PVT1: variants seen among roughly 807,000 people sequenced by gnomAD.
PVT1 encodes the protein Pvt1 oncogene.
chr8:127,943,752 G>A (rs537485870), intron 3 of PVT1, among the ~76,000 whole-genome samples: 27 of 152,292 alleles, frequency 1.8e-4, no homozygotes, highest in Middle Eastern at 3.4e-3. Flanking sequence ...CCTAATTAGG[G>A]CTGACGTGGG....
intron 2 of PVT1, among the ~76,000 whole-genome samples, chr8:127,832,686 A>G (rs188104114): frequency 2.2e-3 from 340 of 152,200 alleles, no homozygotes; most frequent in East Asian, 6.2e-3. Flanking sequence ...GTGAAACCCC[A>G]TCTCTACTAA....
intron 3 of PVT1, among the ~76,000 whole-genome samples, chr8:127,965,059 A>G (rs1398616799): frequency 1.3e-5 from 2 of 152,222 alleles, no homozygotes; most frequent in Admixed American, 6.5e-5. Context: ...GGGTGAAGAC[A>G]GCATTCAACC....
At chr8:127,973,268 G>C (rs557506608) in intron 3 of PVT1, among the ~76,000 whole-genome samples, 145 of 152,214 alleles carry the variant, frequency 9.5e-4, no homozygotes, top group African/African-American at 3.3e-3. Context: ...CTGAAGACCT[G>C]GGAGACGAAT....
chr8:128,003,634 G>T (rs1408141595), intron 4 of PVT1, among the ~76,000 whole-genome samples: 1 of 152,220 alleles, frequency 6.6e-6, no homozygotes, highest in East Asian at 1.9e-4. Flanking sequence ...CGCCTGGCCT[G>T]TTGATTTCTT....
At chr8:128,079,488 T>C (rs371170845) in intron 5 of PVT1, among the ~76,000 whole-genome samples, 7 of 152,340 alleles carry the variant, frequency 4.6e-5, no homozygotes, top group Non-Finnish European at 1.0e-4. Flanking sequence ...ATAGTTTACA[T>C]TGGGCTTCAC....
At chr8:127,832,583 G>T (rs1814862146) in intron 2 of PVT1, among the ~76,000 whole-genome samples, 1 of 152,266 alleles carries the variant, frequency 6.6e-6, no homozygotes, top group South Asian at 2.1e-4. Context: ...ACATGGCCGG[G>T]TGTGGTGGCT....
At chr8:127,860,692 G>A (rs1815214525) in intron 2 of PVT1, among the ~76,000 whole-genome samples, 1 of 151,214 alleles carries the variant, frequency 6.6e-6, no homozygotes, top group Admixed American at 6.6e-5. Flanking sequence ...TTGAACCCAG[G>A]AGGTGGAGGT....
rs556843522 is a variant in PVT1 at position 127,909,571 on chromosome 8, C to T, written n.782+18573C>T. Among the ~76,000 whole-genome samples the T allele has an allele frequency of 5.9e-5, 9 of 152,258 alleles. No individual in the cohort carries two copies. In the South Asian group the frequency reaches 6.2e-4, roughly 11 times the overall value. On this transcript the variant is annotated intron_variant and non_coding_transcript_variant, in intron 3 of 10. Coordinates refer to ENST00000651587, the Ensembl canonical transcript of PVT1. ...GCACACCGAATGTTTGGCATATGTGCGGAGCTCTTTGGGGGTGACTCATGG... is the reference window on the plus strand; with the variant it reads ...GCACACCGAATGTTTGGCATATGTGTGGAGCTCTTTGGGGGTGACTCATGG...
chr8:127,889,419 C>G (rs536341693), intron 2 of PVT1, among the ~76,000 whole-genome samples: 1 of 151,412 alleles, frequency 6.6e-6, no homozygotes, highest in Admixed American at 6.6e-5. Flanking sequence ...CGTGAGCCAC[C>G]GCGCCCAGCC....
At chr8:127,855,853 G>C (rs920972782) in intron 2 of PVT1, among the ~76,000 whole-genome samples, 1 of 152,222 alleles carries the variant, frequency 6.6e-6, no homozygotes, top group African/African-American at 2.4e-5. Flanking sequence ...AGGTGTGGCC[G>C]GTAGGGGTGG....
intron 4 of PVT1, among the ~76,000 whole-genome samples, chr8:128,049,457 G>A (rs1202717185): frequency 6.6e-6 from 1 of 152,160 alleles, no homozygotes; most frequent in Non-Finnish European, 1.5e-5. Context: ...GGGATTCTGT[G>A]GCTCTGTAGG....
intron 2 of PVT1, among the ~76,000 whole-genome samples, chr8:127,878,024 C>T (rs538876159): frequency 2.5e-4 from 38 of 152,270 alleles, no homozygotes; most frequent in African/African-American, 8.7e-4. Flanking sequence ...TCTTCAAGTG[C>T]AGGTCCTGCT....
intron 2 of PVT1, among the ~76,000 whole-genome samples, chr8:127,801,888 CATTATTTA>C (rs1324660307): frequency 1.6e-5 from 2 of 125,602 alleles, no homozygotes; most frequent in Non-Finnish European, 3.4e-5. Context: ...TAAGATATCT[CATTATTTA>C]TTTATTTATT....
At chr8:127,802,115 A>C (rs1379198360) in intron 2 of PVT1, among the ~76,000 whole-genome samples, 1 of 151,924 alleles carries the variant, frequency 6.6e-6, no homozygotes, top group Non-Finnish European at 1.5e-5. Context: ...GGGTTTCACT[A>C]TGTTGGCCAG....
intron 3 of PVT1, among the ~76,000 whole-genome samples, chr8:127,893,992 C>T (rs949429795): frequency 1.3e-5 from 2 of 152,226 alleles, no homozygotes; most frequent in African/African-American, 2.4e-5. Flanking sequence ...CATTTCTACT[C>T]GTGGTGCAGG....
At chr8:127,836,091 C>A (rs1254623475) in intron 2 of PVT1, among the ~76,000 whole-genome samples, 2 of 152,174 alleles carry the variant, frequency 1.3e-5, no homozygotes, top group Admixed American at 6.5e-5. Flanking sequence ...CTAATAGACT[C>A]ATTCCCTAAC....
intron 2 of PVT1, among the ~76,000 whole-genome samples, chr8:127,836,265 T>G (rs1031452068): frequency 1.3e-5 from 2 of 152,174 alleles, no homozygotes; most frequent in Non-Finnish European, 2.9e-5. Flanking sequence ...TGACACTCAG[T>G]GGGTGGTTCA....
At chr8:128,076,108 C>A (rs1278691459) in intron 5 of PVT1, among the ~76,000 whole-genome samples, 1 of 152,136 alleles carries the variant, frequency 6.6e-6, no homozygotes, top group Non-Finnish European at 1.5e-5. Context: ...TGATGCTGAC[C>A]ACCACTCACT....
intron 5 of PVT1, among the ~76,000 whole-genome samples, chr8:128,095,433 G>A (rs984252473): frequency 9.9e-5 from 15 of 152,122 alleles, no homozygotes; most frequent in Admixed American, 6.6e-4. Context: ...CCTTAGAAAG[G>A]TGATTAAAAG....
Sources: gnomAD v4.1 joint callset for allele counts (sites outside exome capture counted in the v4.1 genomes callset) on GRCh38, gnomAD v4.1.1 for gene constraint, MANE v1.5 for transcripts, NCBI Gene and HGNC (gene_info 2026-07-23, HGNC 2026-07-21) for gene names.